C6: variants seen among roughly 807,000 people sequenced by gnomAD.
C6 encodes complement component C6.
A neutral mutation model predicts 112.9 loss-of-function variants in C6; 101 were observed. The observed-to-expected ratio is 0.89, with a 90% CI of 0.76 to 1.06. C6 has a LOEUF of 1.06. C6 is among the 50% of genes least tolerant of loss of function. The probability of loss-of-function intolerance (pLI) is 0.00; values close to 1 mark genes in which losing one functional copy is unlikely to be tolerated. For synonymous variants in C6, 431 were observed against 384.1 expected (o/e 1.12, Z -1.43); for missense variants, 1,202 against 1,104.6 (o/e 1.09, Z -1.25).
At chr5:41,212,707 G>A (rs1752025091) in intron 1 of C6, among the ~76,000 whole-genome samples, 1 of 152,148 alleles carries the variant, frequency 6.6e-6, no homozygotes, top group Non-Finnish European at 1.5e-5. Context: ...TCGTAGAAAA[G>A]CAGAAATTCT....
chr5:41,168,988 AG>A (rs994859983), intron 9 of C6, among the ~76,000 whole-genome samples: 2 of 152,152 alleles, frequency 1.3e-5, no homozygotes, highest in African/African-American at 4.8e-5. Context: ...AAAACAGGCA[AG>A]GGTTCCCTAA....
chr5:41,236,565 G>T (rs1439484700), intron 1 of C6, among the ~76,000 whole-genome samples: 1 of 109,618 alleles, frequency 9.1e-6, no homozygotes, highest in Admixed American at 9.6e-5. Context: ...TCTCTGGGAC[G>T]CATTCAAAGC....
At chr5:41,206,184 CAT>C (rs1386203492) in intron 1 of C6, among the ~76,000 whole-genome samples, 2 of 152,194 alleles carry the variant, frequency 1.3e-5, no homozygotes, top group African/African-American at 4.8e-5. Flanking sequence ...AACTAACAAA[CAT>C]AAAGGACATC....
intron 5 of C6, among the ~76,000 whole-genome samples, chr5:41,190,887 C>T (rs1391643757): frequency 3.3e-5 from 5 of 151,988 alleles, no homozygotes; most frequent in African/African-American, 1.2e-4. Context: ...GATCTTGGCA[C>T]CTTTGTCAAA....
chr5:41,167,246 C>T (rs1748058490), intron 9 of C6, among the ~76,000 whole-genome samples: 1 of 151,912 alleles, frequency 6.6e-6, no homozygotes, highest in Non-Finnish European at 1.5e-5. Context: ...TTTTTAATGT[C>T]AAGGGCCAGG....
intron 12 of C6, 54 bp downstream of exon 12, chr5:41,159,028 T>C (rs539738213): frequency 6.4e-7 from 1 of 1,571,174 alleles, no homozygotes; most frequent in South Asian, 1.1e-5. Flanking sequence ...GAACTCTCAA[T>C]GTTATTGAGA....
At chr5:41,206,527 T>C (rs1751448059) in intron 1 of C6, among the ~76,000 whole-genome samples, 1 of 152,076 alleles carries the variant, frequency 6.6e-6, no homozygotes, top group African/African-American at 2.4e-5. Context: ...AGAGAAGACC[T>C]TAAATGACCT....
At chr5:41,237,191 A>C (rs949986951) in intron 1 of C6, among the ~76,000 whole-genome samples, 9 of 137,562 alleles carry the variant, frequency 6.5e-5, no homozygotes, top group Non-Finnish European at 1.4e-4. Flanking sequence ...TTTTCTAATC[A>C]ATAGAAAAAG....
chr5:41,145,916 G>A (rs956645803), intron 17 of C6, among the ~76,000 whole-genome samples: 13 of 152,138 alleles, frequency 8.5e-5, no homozygotes, highest in Admixed American at 2.6e-4. Context: ...AGAACTACCA[G>A]CACCAAAAGA....
At chr5:41,250,017 G>A (rs1015004395) in intron 1 of C6, among the ~76,000 whole-genome samples, 1 of 152,196 alleles carries the variant, frequency 6.6e-6, no homozygotes, top group Non-Finnish European at 1.5e-5. Context: ...GGTGGGTTTA[G>A]ATTTGGACTT....
rs758114909 is a variant in C6 at position 41,160,113 on chromosome 5, C to T, written c.1684+29G>A. On this transcript the variant is annotated intron_variant, in intron 11 of 17. Transcript: ENST00000337836. ...ATACTCTTTGGAGGGGAAAACTTAT[C>T]TACCTCACAATAGATTCCTGATACT... 2.6e-6 allele frequency: 4 copies of T among 1,560,270 alleles called. No homozygotes were observed. In the South Asian group the frequency reaches 4.4e-5, roughly 17 times the overall value.
chr5:41,258,080 G>T lies in C6; in HGVS notation c.-21+3114C>A, dbSNP rs575183114. Among the ~76,000 whole-genome samples the T allele has an allele frequency of 2.0e-5, 3 of 151,940 alleles. No homozygotes were observed. In the East Asian group the frequency reaches 5.8e-4, roughly 29 times the overall value. On this transcript the variant is annotated intron_variant, in intron 1 of 17. Transcript: ENST00000263413. ...ACAAAGAAAAAACCCACCAGGCATG[G>T]TCTTCACAAGCAAAAATTAAATTGC...
intron 1 of C6, among the ~76,000 whole-genome samples, chr5:41,212,034 A>G (rs543101509): frequency 9.2e-5 from 14 of 152,346 alleles, no homozygotes; most frequent in African/African-American, 2.9e-4. Context: ...GGAGCCTGAT[A>G]TAAATTAAGA....
intron 5 of C6, among the ~76,000 whole-genome samples, chr5:41,192,079 A>G (rs556498973): frequency 1.1e-3 from 163 of 152,106 alleles, no homozygotes; most frequent in African/African-American, 3.9e-3. Context: ...AGTTTCTTCT[A>G]TTTCTAATTT....
chr5:41,152,700 G>T (rs1200604724), intron 15 of C6: 6 of 152,174 alleles, frequency 3.9e-5, no homozygotes, highest in African/African-American at 7.2e-5. Flanking sequence ...TATCCTTCCG[G>T]TAAGGCTTTA....
At chr5:41,250,370 G>A (rs908851609) in intron 1 of C6, among the ~76,000 whole-genome samples, 8 of 152,168 alleles carry the variant, frequency 5.3e-5, no homozygotes, top group Admixed American at 3.9e-4. Context: ...TTTTAGAGCT[G>A]TTGTCTACCT....
At chr5:41,168,716 G>T (rs1322553149) in intron 9 of C6, among the ~76,000 whole-genome samples, 1 of 152,104 alleles carries the variant, frequency 6.6e-6, no homozygotes, top group Non-Finnish European at 1.5e-5. Flanking sequence ...CTTACGGATG[G>T]ACTAAATGGC....
intron 1 of C6, among the ~76,000 whole-genome samples, chr5:41,228,341 G>A (rs189690916): frequency 5.3e-5 from 8 of 151,914 alleles, no homozygotes; most frequent in Non-Finnish European, 5.9e-5. Flanking sequence ...TTTGTTTATT[G>A]GTTCTAATAA....
At chr5:41,213,536 A>G, upstream of C6, 2 of 985,398 alleles carry the variant, frequency 2.0e-6, no homozygotes, top group Non-Finnish European at 2.4e-6. Flanking sequence ...GAAGCCTAGC[A>G]ACACCTAGAG....
Sources: gnomAD v4.1 joint callset for allele counts (sites outside exome capture counted in the v4.1 genomes callset) on GRCh38, gnomAD v4.1.1 for gene constraint, MANE v1.5 for transcripts, NCBI Gene and HGNC (gene_info 2026-07-23, HGNC 2026-07-21) for gene names.